SNTG2: variants seen among roughly 807,000 people sequenced by gnomAD.
SNTG2 encodes the protein syntrophin gamma 2.
Under a neutral mutation model 70.9 loss-of-function variants are expected in SNTG2, and 74 were observed. The ratio of observed to expected loss-of-function variants is 1.04; its 90% CI spans 0.86 to 1.27. SNTG2 has a LOEUF of 1.27. Ranked by LOEUF, SNTG2 falls within the 50% of genes most tolerant of loss-of-function variation. The pLI, the probability that SNTG2 is intolerant of heterozygous loss-of-function variation, is 0.00. For synonymous variants in SNTG2, 278 were observed against 273.8 expected (o/e 1.02, Z -0.15); for missense variants, 717 against 690.7 (o/e 1.04, Z -0.43).
chr2:1,251,708 C>T (rs1677782164), intron 12 of SNTG2, among the ~76,000 whole-genome samples: 1 of 149,156 alleles, frequency 6.7e-6, no homozygotes, highest in South Asian at 2.2e-4. Context: ...GCACACCACA[C>T]ACACAACACA....
chr2:1,193,865 A>G (rs1672745557), intron 8 of SNTG2, among the ~76,000 whole-genome samples: 1 of 152,162 alleles, frequency 6.6e-6, no homozygotes, highest in Non-Finnish European at 1.5e-5. Flanking sequence ...AAACAAAACA[A>G]CTTCTCACTG....
At chr2:1,274,218 T>A (rs565097485) in intron 14 of SNTG2, among the ~76,000 whole-genome samples, 38 of 152,336 alleles carry the variant, frequency 2.5e-4, no homozygotes, top group African/African-American at 9.1e-4. Flanking sequence ...CTTGACAGTG[T>A]CTTAAATGTA....
chr2:1,109,234 A>T (rs1216865769), intron 4 of SNTG2, among the ~76,000 whole-genome samples: 2 of 151,950 alleles, frequency 1.3e-5, no homozygotes, highest in East Asian at 3.9e-4. Context: ...CTCGGTGATC[A>T]CCCAGTTCAT....
At chr2:1,229,822 C>A (rs890212653) in intron 9 of SNTG2, among the ~76,000 whole-genome samples, 1 of 152,250 alleles carries the variant, frequency 6.6e-6, no homozygotes, top group Non-Finnish European at 1.5e-5. Context: ...CCAGTACACC[C>A]TCCGCAGCCG....
chr2:1,071,647 TAATA>T (rs869279381), intron 1 of SNTG2, among the ~76,000 whole-genome samples: 9 of 24,430 alleles, frequency 3.7e-4, no homozygotes, highest in African/African-American at 5.2e-4. Context: ...TAAAGTATAA[TAATA>T]AAAAAAAAAA....
At chr2:1,178,970 A>G (rs1311404769) in intron 8 of SNTG2, among the ~76,000 whole-genome samples, 1 of 151,906 alleles carries the variant, frequency 6.6e-6, no homozygotes, top group Non-Finnish European at 1.5e-5. Flanking sequence ...GATTATTGCC[A>G]CAATTTCAGA....
At chr2:1,202,045 A>T (rs986705479) in intron 8 of SNTG2, among the ~76,000 whole-genome samples, 15 of 152,072 alleles carry the variant, frequency 9.9e-5, no homozygotes, top group African/African-American at 3.4e-4. Flanking sequence ...GTAGACCTAC[A>T]CTACAGGAAA....
At chr2:1,172,901 G>C (rs1210506719) in intron 7 of SNTG2, among the ~76,000 whole-genome samples, 191 bp from the exon 8 acceptor site, 4 of 152,184 alleles carry the variant, frequency 2.6e-5, no homozygotes, top group African/African-American at 7.2e-5. Flanking sequence ...CCTGAGGTCA[G>C]ATCTTGGTGA....
At chr2:1,122,722 CAAAAAAAAAA>C (rs60163290) in intron 4 of SNTG2, among the ~76,000 whole-genome samples, 1 of 121,930 alleles carries the variant, frequency 8.2e-6, no homozygotes, top group African/African-American at 2.8e-5. Flanking sequence ...AGCAATCAGA[CAAAAAAAAAA>C]AAAAAAAAAA....
intron 6 of SNTG2, among the ~76,000 whole-genome samples, chr2:1,141,689 A>G (rs917750874): frequency 3.9e-5 from 6 of 152,200 alleles, no homozygotes; most frequent in African/African-American, 1.4e-4. Context: ...CCATTCTAGG[A>G]TGTCCAGTCA....
chr2:972,463 T>C (rs1396162314), intron 1 of SNTG2, among the ~76,000 whole-genome samples: 1 of 152,204 alleles, frequency 6.6e-6, no homozygotes, highest in African/African-American at 2.4e-5. Context: ...TGCTTTTTTT[T>C]ACACATCTAA....
At chr2:1,241,653 C>T (rs1677061302) in intron 11 of SNTG2, among the ~76,000 whole-genome samples, 1 of 152,118 alleles carries the variant, frequency 6.6e-6, no homozygotes. Flanking sequence ...TTATCATCAA[C>T]TGACAAGAGA....
chr2:1,055,161 G>C (rs1219754916), intron 1 of SNTG2, among the ~76,000 whole-genome samples: 1 of 152,224 alleles, frequency 6.6e-6, no homozygotes, highest in Non-Finnish European at 1.5e-5. Context: ...CCTGACTGCA[G>C]GGAGCCAAGA....
At chr2:1,136,084 A>G (rs1451009782) in intron 4 of SNTG2, among the ~76,000 whole-genome samples, 2 of 152,196 alleles carry the variant, frequency 1.3e-5, no homozygotes, top group African/African-American at 4.8e-5. Flanking sequence ...GATATGATCT[A>G]TATAATCTCT....
At chr2:1,214,660 A>G (rs913359913) in intron 9 of SNTG2, among the ~76,000 whole-genome samples, 2 of 152,104 alleles carry the variant, frequency 1.3e-5, no homozygotes, top group Non-Finnish European at 2.9e-5. Flanking sequence ...AGTTTTCTAT[A>G]TATAAGCTTA....
chr2:1,260,859 C>G (rs966311779), intron 13 of SNTG2, among the ~76,000 whole-genome samples: 3 of 152,150 alleles, frequency 2.0e-5, no homozygotes, highest in Middle Eastern at 3.2e-3. Flanking sequence ...CTTCTCCCCC[C>G]TCTTGTTTCA....
chr2:1,245,328 C>G (rs1018204710), intron 11 of SNTG2, among the ~76,000 whole-genome samples: 10 of 152,018 alleles, frequency 6.6e-5, no homozygotes, highest in African/African-American at 1.4e-4. Flanking sequence ...GCAAGGCACT[C>G]AAATGTGCGT....
intron 16 of SNTG2, among the ~76,000 whole-genome samples, chr2:1,333,763 C>A (rs1307130955): frequency 1.3e-5 from 2 of 152,182 alleles, no homozygotes; most frequent in African/African-American, 2.4e-5. Context: ...GGATCCTCAT[C>A]TCTCACCTTA....
intron 11 of SNTG2, chr2:1,242,809 AAAG>A (rs1677135593): frequency 6.6e-6 from 1 of 152,226 alleles, no homozygotes; most frequent in African/African-American, 2.4e-5. Flanking sequence ...GATGGGGTGA[AAAG>A]AAGAGGACTC....
Sources: gnomAD v4.1 joint callset for allele counts (sites outside exome capture counted in the v4.1 genomes callset) on GRCh38, gnomAD v4.1.1 for gene constraint, MANE v1.5 for transcripts, NCBI Gene and HGNC (gene_info 2026-07-23, HGNC 2026-07-21) for gene names.